The following SCP2 variants were observed in gnomAD, a reference collection of about 807,000 sequenced individuals.
SCP2 encodes SCP-2/3-oxoacyl-CoA thiolase.
Under a neutral mutation model 71.4 loss-of-function variants are expected in SCP2, and 48 were observed. The observed-to-expected ratio is 0.67, with a 90% CI of 0.53 to 0.86. SCP2 has a LOEUF of 0.86. Among genes scored for constraint, SCP2 ranks in the 40% least tolerant of loss-of-function variants. The probability of loss-of-function intolerance (pLI) is 0.00; values close to 1 mark genes in which losing one functional copy is unlikely to be tolerated. For synonymous variants in SCP2, 220 were observed against 218.1 expected (o/e 1.01, Z -0.08); for missense variants, 560 against 655.6 (o/e 0.85, Z 1.59).
intron 11 of SCP2, among the ~76,000 whole-genome samples, chr1:52,990,620 G>A (rs906364516): frequency 6.6e-6 from 1 of 151,218 alleles, no homozygotes; most frequent in Non-Finnish European, 1.5e-5. Context: ...TGCAGTCCCA[G>A]CTACTTGGGA....
rs1326650242 is a variant in SCP2 at position 53,047,838 on chromosome 1, C to T, written c.1469-20C>T. ...TGAACACCTCCTATTCTCCTTCCTT[C>T]TCCTGTGTATCTGTTTTAGATAAGA... On this transcript the variant is annotated intron_variant, in intron 14 of 15. Coordinates refer to ENST00000371514, the MANE Select transcript of SCP2 (RefSeq NM_002979.5). 4 of 1,564,296 alleles carry T rather than the reference C, an allele frequency of 2.6e-6. No homozygotes were observed. Among genetic ancestry groups the T allele is most frequent in the East Asian group, 2.2e-5 (1 of 44,642 alleles).
At chr1:52,948,624 C>CAAAAAAA (rs567151231) in intron 3 of SCP2, among the ~76,000 whole-genome samples, 1 of 49,568 alleles carries the variant, frequency 2.0e-5, no homozygotes, top group African/African-American at 5.8e-5. Flanking sequence ...GACTCCATCT[C>CAAAAAAA]AAAAAAAAAA....
At chr1:52,931,828 CT>C (rs1653177488) in intron 1 of SCP2, among the ~76,000 whole-genome samples, 2 of 152,114 alleles carry the variant, frequency 1.3e-5, no homozygotes, top group South Asian at 4.1e-4. Flanking sequence ...TAAGGAAAAA[CT>C]TTGGAGGAGG....
chr1:52,981,667 A>G (rs1001930629), intron 10 of SCP2, among the ~76,000 whole-genome samples: 11 of 151,652 alleles, frequency 7.3e-5, no homozygotes, highest in African/African-American at 2.7e-4. Flanking sequence ...CCTGGCTTCA[A>G]GTGATCCACC....
intron 2 of SCP2, among the ~76,000 whole-genome samples, chr1:52,946,474 C>T (rs1352761120): frequency 6.6e-6 from 1 of 152,088 alleles, no homozygotes; most frequent in African/African-American, 2.4e-5. Flanking sequence ...CTTCAGCCTC[C>T]TAAAGTACAG....
intron 12 of SCP2, among the ~76,000 whole-genome samples, chr1:53,021,445 T>C (rs1333148467): frequency 6.6e-6 from 1 of 150,950 alleles, no homozygotes; most frequent in Non-Finnish European, 1.5e-5. Flanking sequence ...GCCTCTTGAG[T>C]AGCTGGGACT....
At chr1:53,038,224 TA>T (rs1663160503) in intron 13 of SCP2, among the ~76,000 whole-genome samples, 1 of 137,294 alleles carries the variant, frequency 7.3e-6, no homozygotes, top group African/African-American at 3.0e-5. Flanking sequence ...TATACGCTTA[TA>T]TATATATGTC....
At chr1:53,048,007 T>C (rs1368124739) in intron 15 of SCP2, 70 bp downstream of exon 15, 1 of 1,075,784 alleles carries the variant, frequency 9.3e-7, no homozygotes, top group Admixed American at 1.7e-5. Context: ...ATCTCCTGAC[T>C]CAGACTCTAA....
At chr1:53,010,846 C>T (rs1660943082) in intron 11 of SCP2, among the ~76,000 whole-genome samples, 1 of 152,204 alleles carries the variant, frequency 6.6e-6, no homozygotes, top group Admixed American at 6.5e-5. Flanking sequence ...TCACCCCCTG[C>T]CCACAAAAAA....
chr1:53,049,516 A>G (rs1324458817), intron 15 of SCP2: 3 of 152,238 alleles, frequency 2.0e-5, no homozygotes, highest in Non-Finnish European at 4.4e-5. Flanking sequence ...ATCTTTATGT[A>G]TGGACTCTCT....
intron 11 of SCP2, among the ~76,000 whole-genome samples, chr1:53,008,955 C>CA (rs1436247649): frequency 6.6e-6 from 1 of 152,132 alleles, no homozygotes; most frequent in East Asian, 1.9e-4. Context: ...AATCAATGTG[C>CA]AAAAATCACA....
chr1:52,968,183 C>T (rs1461710878), intron 6 of SCP2, among the ~76,000 whole-genome samples: 6 of 152,150 alleles, frequency 3.9e-5, no homozygotes, highest in South Asian at 2.1e-4. Context: ...CTCAGGTGAT[C>T]GGCCCGTCTT....
intron 1 of SCP2, among the ~76,000 whole-genome samples, chr1:52,938,104 G>A (rs1431455066): frequency 3.9e-5 from 6 of 152,100 alleles, no homozygotes; most frequent in African/African-American, 1.4e-4. Context: ...GAGCAATGAG[G>A]GCAACTAGAG....
At chr1:52,994,747 C>T (rs895536488) in intron 11 of SCP2, 1 of 708,290 alleles carries the variant, frequency 1.4e-6, no homozygotes, top group African/African-American at 1.8e-5. Context: ...CGTGCACATC[C>T]AGGCCTGTCA....
intron 1 of SCP2, among the ~76,000 whole-genome samples, chr1:52,930,768 G>T (rs1653078850): frequency 6.6e-6 from 1 of 152,146 alleles, no homozygotes; most frequent in Non-Finnish European, 1.5e-5. Context: ...TGACTCTGAG[G>T]CTCAGAGGGG....
At chr1:53,042,518 G>A (rs1663511332) in intron 14 of SCP2, among the ~76,000 whole-genome samples, 1 of 152,084 alleles carries the variant, frequency 6.6e-6, no homozygotes, top group African/African-American at 2.4e-5. Flanking sequence ...GACCCCAAGG[G>A]ATCTTACCCT....
intron 8 of SCP2, 62 bp downstream of exon 8, chr1:52,976,831 C>T (rs1001494380): frequency 2.9e-5 from 25 of 874,540 alleles, no homozygotes; most frequent in Admixed American, 1.9e-4. Flanking sequence ...CTGCCACCCC[C>T]CTGTGGTTAA....
At chr1:52,996,385 C>G (rs1246159661) in intron 11 of SCP2, among the ~76,000 whole-genome samples, 3 of 152,152 alleles carry the variant, frequency 2.0e-5, no homozygotes, top group Non-Finnish European at 4.4e-5. Flanking sequence ...ATAATGGCCA[C>G]CATCCTAAGC....
chr1:52,937,807 T>G (rs1210235667), intron 1 of SCP2, among the ~76,000 whole-genome samples: 1 of 152,086 alleles, frequency 6.6e-6, no homozygotes, highest in Non-Finnish European at 1.5e-5. Flanking sequence ...GAGCCAACAG[T>G]GAAAGAAAGC....
Sources: gnomAD v4.1 joint callset for allele counts (sites outside exome capture counted in the v4.1 genomes callset) on GRCh38, gnomAD v4.1.1 for gene constraint, MANE v1.5 for transcripts, NCBI Gene and HGNC (gene_info 2026-07-23, HGNC 2026-07-21) for gene names.